The following PNPLA7 variants were observed in gnomAD, a reference collection of about 807,000 sequenced individuals.
PNPLA7 encodes patatin like domain 7, lysophospholipase.
In PNPLA7, 153 loss-of-function variants were observed where a neutral mutation model predicts 161.7. That is an observed-to-expected ratio of 0.95 (90% CI 0.83 to 1.08). The LOEUF is 1.08. PNPLA7 is among the 50% of genes least tolerant of loss of function. PNPLA7 has a pLI of 0.00. For synonymous variants in PNPLA7, 809 were observed against 782.1 expected, an observed-to-expected ratio of 1.03 and a Z score of -0.57; for missense variants, 1,739 against 1,856.6, an observed-to-expected ratio of 0.94 and a Z score of 1.16.
chr9:137,508,429 T>C (rs12351541), intron 12 of PNPLA7, among the ~76,000 whole-genome samples: 2,483 of 151,706 alleles, frequency 0.016, 71 homozygotes, highest in African/African-American at 0.056. Context: ...TAGCTGGGCA[T>C]GGTGGTGGGC....
chr9:137,507,348 G>A (rs1425557995), intron 12 of PNPLA7, among the ~76,000 whole-genome samples: 1 of 152,216 alleles, frequency 6.6e-6, no homozygotes, highest in Non-Finnish European at 1.5e-5. Flanking sequence ...GGAACACTGG[G>A]GTGTAATGAC....
intron 14 of PNPLA7, among the ~76,000 whole-genome samples, chr9:137,502,573 C>T (rs1248276826): frequency 1.4e-5 from 2 of 142,278 alleles, no homozygotes; most frequent in Non-Finnish European, 3.1e-5. Context: ...GCCGCATCGC[C>T]CCAGGGCGCG....
At chr9:137,488,301 G>A (rs1217294036) in intron 20 of PNPLA7, among the ~76,000 whole-genome samples, 1 of 152,178 alleles carries the variant, frequency 6.6e-6, no homozygotes, top group African/African-American at 2.4e-5. Flanking sequence ...GCTTTTCCTT[G>A]GGAATCCCTT....
chr9:137,500,562 G>T lies in PNPLA7; in HGVS notation c.1757+129C>A. On this transcript the variant is annotated intron_variant, in intron 16 of 34. Transcript: ENST00000406427. This position sits in a 1 kb window ranked among gnomAD's most constrained non-coding sequence, Gnocchi z 5.5. ...AGACCTGGGCCCACACAGGTGCCGGGGACAAAGAGGGGAGCCCGAGAAGCA... is the reference window on the plus strand; with the variant it reads ...AGACCTGGGCCCACACAGGTGCCGGTGACAAAGAGGGGAGCCCGAGAAGCA... The T allele has an allele frequency of 1.1e-6, 1 of 880,108 alleles. No homozygotes were observed. The highest frequency in any genetic ancestry group is 2.6e-5 in the East Asian group (1 of 37,940). The allele number at this position is 880,108 out of a possible 1,614,324, so 54.5% of individuals were successfully genotyped here.
chr9:137,497,057 A>C, intron 18 of PNPLA7, 130 bp downstream of exon 18: 1 of 1,200,996 alleles, frequency 8.3e-7, no homozygotes, highest in South Asian at 2.7e-5. Flanking sequence ...GCTGCGGGGC[A>C]TCACTACTAC....
rs888095332 is a variant in PNPLA7, at chr9:137,549,381, C to T, written c.30+787G>A. 3.3e-5 allele frequency among the ~76,000 whole-genome samples: 5 copies of T among 152,088 alleles called. No homozygotes were observed. In the South Asian group the frequency reaches 6.2e-4, roughly 19 times the overall value. On this transcript the variant is annotated intron_variant, in intron 1 of 34. Transcript: ENST00000406427. Reference sequence around the variant, plus strand: ...AGGAAATCGAGACCATCCTGGCTAACACAGTGAAACACCGTCTCTACTGAA... The same window carrying T: ...AGGAAATCGAGACCATCCTGGCTAATACAGTGAAACACCGTCTCTACTGAA...
chr9:137,541,020 T>G lies in PNPLA7; in HGVS notation c.667-298A>C, dbSNP rs1836173953. ...AAGCTCGCAGAGCCTGTTTGTTTGC[T>G]GAGCTAACTATAAGGACTCCGAGGA... On this transcript the variant is annotated intron_variant, in intron 7 of 34. Transcript: ENST00000406427. The surrounding 1 kb of genome is among the most constrained non-coding windows in gnomAD (Gnocchi z 4.4). Among the ~76,000 whole-genome samples the G allele has an allele frequency of 6.6e-6, 1 of 152,208 alleles. No individual in the cohort carries two copies. The highest frequency in any genetic ancestry group is 6.5e-5 in the Admixed American group (1 of 15,280).
rs1312515082 is a variant in PNPLA7, at chr9:137,540,847, A to G, written c.667-125T>C. 16 of 783,594 alleles carry G rather than the reference A, an allele frequency of 2.0e-5. No individual in the cohort carries two copies. Among genetic ancestry groups the G allele is most frequent in the Non-Finnish European group, 3.2e-5 (15 of 469,812 alleles). The allele number at this position is 783,594 out of a possible 1,614,324, so 48.5% of individuals were successfully genotyped here. ...TGCACCTCTGAGGCGCCATGAGAGC[A>G]GCAGGCACCTTGGATGGAGGGCAGG... On this transcript the variant is annotated intron_variant, in intron 7 of 34. Coordinates refer to ENST00000406427, the MANE Select transcript of PNPLA7 (RefSeq NM_001098537.3). The surrounding 1 kb of genome is among the most constrained non-coding windows in gnomAD (Gnocchi z 5.1).
At chr9:137,489,391 C>G (rs771662716) in intron 20 of PNPLA7, among the ~76,000 whole-genome samples, 1 of 152,202 alleles carries the variant, frequency 6.6e-6, no homozygotes, top group East Asian at 1.9e-4. Flanking sequence ...AAATGGGAAC[C>G]AGAGTCTCAT....
At chr9:137,461,151 C>T (rs947818025) in intron 33 of PNPLA7, 13 of 327,296 alleles carry the variant, frequency 4.0e-5, no homozygotes, top group East Asian at 6.4e-5. Flanking sequence ...AAGGCCCAAG[C>T]GCAGGGCCCT....
chr9:137,472,650 C>CA (rs71387839), intron 25 of PNPLA7, among the ~76,000 whole-genome samples: 47,638 of 82,048 alleles, frequency 0.58, 13,248 homozygotes, highest in Non-Finnish European at 0.65. Context: ...GACTCCATCT[C>CA]AAAAAAAAAA....
At chr9:137,527,311 C>CCA (rs1230131044) in intron 8 of PNPLA7, among the ~76,000 whole-genome samples, 29 of 151,588 alleles carry the variant, frequency 1.9e-4, no homozygotes, top group Admixed American at 1.2e-3. Context: ...AAAAAAAAAC[C>CCA]CACACACACA....
rs1429400044 is a variant in PNPLA7, at chr9:137,517,607, TCCC to T, written c.1085-2091_1085-2089del. The stretch of plus-strand genomic sequence containing the variant: ...CACTCACTCCACTCTGTCCACTCCA[TCCC>T]CCGTCACTCACTCCACTCTGTCCAC... On this transcript the variant is annotated intron_variant, in intron 11 of 34. Coordinates refer to ENST00000406427, the MANE Select transcript of PNPLA7 (RefSeq NM_001098537.3). Among the ~76,000 whole-genome samples the T allele has an allele frequency of 4.3e-5, 3 of 69,046 alleles. No individual in the cohort carries two copies. In the East Asian group the frequency reaches 2.2e-3, roughly 50 times the overall value. 45.3% of individuals were successfully genotyped at this position (69,046 alleles called of 152,430 possible).
In PNPLA7 at chr9:137,543,037, C is replaced by CCA. The variant is rs1174175676; in HGVS notation, c.507-238_507-237dup. Among the ~76,000 whole-genome samples, 1 of 152,098 alleles carries CCA rather than the reference C, an allele frequency of 6.6e-6. No homozygotes were observed. Among genetic ancestry groups the CCA allele is most frequent in the Non-Finnish European group, 1.5e-5 (1 of 68,008 alleles). On this transcript the variant is annotated intron_variant, in intron 6 of 34. Transcript: ENST00000406427. The surrounding 1 kb of genome is among the most constrained non-coding windows in gnomAD (Gnocchi z 6.9). ...GAACTTCTTGACCCGTGAACCTGAG[C>CCA]CACACACACACGGGAGGAAGGCAAA...
intron 25 of PNPLA7, among the ~76,000 whole-genome samples, chr9:137,473,210 GAGTTAT>G (rs572224426): frequency 6.6e-6 from 1 of 152,276 alleles, no homozygotes; most frequent in African/African-American, 2.4e-5. Context: ...GGGATTATGG[GAGTTAT>G]AGTTCAAGGT....
intron 8 of PNPLA7, among the ~76,000 whole-genome samples, chr9:137,528,806 T>C (rs962190005): frequency 3.9e-5 from 6 of 151,988 alleles, no homozygotes; most frequent in Admixed American, 2.0e-4. Context: ...GTTCACGCCA[T>C]TCTCCTGCCT....
chr9:137,467,271 G>T lies in PNPLA7; in HGVS notation c.3039+46C>A, dbSNP rs2132080690. Reference sequence around the variant, plus strand: ...CCCCAGCGTCCCCCAGCACCAGCAAGGACCTGGGGGCTGTGCTCCGGTGAG... The same window carrying T: ...CCCCAGCGTCCCCCAGCACCAGCAATGACCTGGGGGCTGTGCTCCGGTGAG... On this transcript the variant is annotated intron_variant, in intron 26 of 34. Coordinates refer to ENST00000406427, the MANE Select transcript of PNPLA7 (RefSeq NM_001098537.3). The surrounding 1 kb of genome is among the most constrained non-coding windows in gnomAD (Gnocchi z 5.1). 6.4e-7 allele frequency: 1 copy of T among 1,565,842 alleles called. No homozygotes were observed. Among genetic ancestry groups the T allele is most frequent in the African/African-American group, 1.4e-5 (1 of 73,880 alleles).
At chr9:137,533,911 A>C (rs543754587) in intron 8 of PNPLA7, among the ~76,000 whole-genome samples, 2 of 142,640 alleles carry the variant, frequency 1.4e-5, no homozygotes, top group Admixed American at 7.0e-5. Flanking sequence ...TCCAGACAGG[A>C]GCACTCCCAG....
In PNPLA7 at chr9:137,522,442, G is replaced by A. The variant is rs112469413; in HGVS notation, c.876+287C>T. Among the ~76,000 whole-genome samples, 381 of 152,002 alleles carry A rather than the reference G, an allele frequency of 2.5e-3. 2 individuals carry two copies. Among genetic ancestry groups the A allele is most frequent in the Non-Finnish European group, 3.6e-3 (242 of 67,984 alleles). ...CCTGACCTCGTGATCCGCCCGCCTC[G>A]GCCTCCCACAGTGCTGGGGTTACAG... On this transcript the variant is annotated intron_variant, in intron 9 of 34. Coordinates refer to ENST00000406427, the MANE Select transcript of PNPLA7 (RefSeq NM_001098537.3).
Sources: gnomAD v4.1 joint callset for allele counts (sites outside exome capture counted in the v4.1 genomes callset) on GRCh38, gnomAD v4.1.1 for gene constraint, Gnocchi (gnomAD v3.1) non-coding constraint, MANE v1.5 for transcripts, NCBI Gene and HGNC (gene_info 2026-07-23, HGNC 2026-07-21) for gene names.